Variants in TBC1D5 observed in about 807,000 individuals in gnomAD.
TBC1D5 encodes TBC1 domain family, member 5.
Under a neutral mutation model 100.3 loss-of-function variants are expected in TBC1D5, and 75 were observed. The observed-to-expected ratio is 0.75, with a 90% CI of 0.62 to 0.91. The LOEUF is 0.91. TBC1D5 is among the 40% of genes least tolerant of loss of function. The pLI, the probability that TBC1D5 is intolerant of heterozygous loss-of-function variation, is 0.00. For synonymous variants in TBC1D5, 323 were observed against 325.6 expected (o/e 0.99, Z 0.09); for missense variants, 910 against 942.4 (o/e 0.97, Z 0.45).
chr3:17,244,646 A>G (rs1183500606), intron 16 of TBC1D5, among the ~76,000 whole-genome samples: 1 of 152,202 alleles, frequency 6.6e-6, no homozygotes, highest in Non-Finnish European at 1.5e-5. Flanking sequence ...AATTGATGCC[A>G]CTAAACATAT....
intron 1 of TBC1D5, among the ~76,000 whole-genome samples, chr3:17,708,995 C>G (rs777133078): frequency 2.6e-5 from 4 of 152,218 alleles, no homozygotes; most frequent in Admixed American, 6.5e-5. Context: ...GGTAAATTAC[C>G]TACATTATAT....
chr3:17,663,951 T>TA (rs1169589241), intron 1 of TBC1D5, among the ~76,000 whole-genome samples: 2 of 152,350 alleles, frequency 1.3e-5, no homozygotes, highest in Admixed American at 1.3e-4. Context: ...ATTTTTCATA[T>TA]AAAAAACTTA....
At chr3:17,688,379 ACATTT>A (rs1214527351) in intron 1 of TBC1D5, among the ~76,000 whole-genome samples, 1 of 152,180 alleles carries the variant, frequency 6.6e-6, no homozygotes, top group African/African-American at 2.4e-5. Context: ...CTTTATCCAT[ACATTT>A]CATTAATTTC....
At chr3:17,220,424 T>C (rs971295281) in intron 17 of TBC1D5, among the ~76,000 whole-genome samples, 1 of 152,130 alleles carries the variant, frequency 6.6e-6, no homozygotes, top group Non-Finnish European at 1.5e-5. Flanking sequence ...TCTTTTAACA[T>C]ATTTTTACAG....
chr3:17,574,619 A>G (rs1261746745), intron 2 of TBC1D5, among the ~76,000 whole-genome samples: 1 of 152,068 alleles, frequency 6.6e-6, no homozygotes, highest in East Asian at 1.9e-4. Context: ...AGCATCTTAT[A>G]ATACATCTCC....
intron 15 of TBC1D5, among the ~76,000 whole-genome samples, chr3:17,272,252 T>C (rs1169939984): frequency 6.6e-6 from 1 of 152,208 alleles, no homozygotes; most frequent in African/African-American, 2.4e-5. Flanking sequence ...TATACAAGTA[T>C]ATAAAAAGCA....
chr3:17,533,366 G>T (rs1217860163), intron 2 of TBC1D5, among the ~76,000 whole-genome samples: 1 of 152,168 alleles, frequency 6.6e-6, no homozygotes, highest in Middle Eastern at 3.4e-3. Context: ...TTTGCTTGAG[G>T]AACTGCCAAC....
At chr3:17,681,805 T>C (rs1199857425) in intron 1 of TBC1D5, among the ~76,000 whole-genome samples, 4 of 151,510 alleles carry the variant, frequency 2.6e-5, no homozygotes, top group Admixed American at 1.3e-4. Context: ...CAGCAAGAAG[T>C]GAGTGGCAGA....
intron 1 of TBC1D5, among the ~76,000 whole-genome samples, chr3:17,714,938 G>A (rs2075091830): frequency 6.6e-6 from 1 of 152,170 alleles, no homozygotes; most frequent in Non-Finnish European, 1.5e-5. Flanking sequence ...ACCAATCTAT[G>A]CAAGACACAG....
At chr3:17,486,790 T>C (rs1251601770) in intron 3 of TBC1D5, among the ~76,000 whole-genome samples, 2 of 152,198 alleles carry the variant, frequency 1.3e-5, no homozygotes, top group Non-Finnish European at 2.9e-5. Context: ...ATATTCCTAG[T>C]GCCAGAGGGA....
chr3:17,383,969 G>C (rs1181565368), exon 9 of TBC1D5: 6 of 1,602,048 alleles, frequency 3.7e-6, no homozygotes, highest in Non-Finnish European at 5.1e-6. Context: ...ACATCTGTAA[G>C]AATTTTTCTC....
intron 2 of TBC1D5, among the ~76,000 whole-genome samples, chr3:17,536,562 T>C (rs2096283491): frequency 6.6e-6 from 1 of 152,220 alleles, no homozygotes. Context: ...AAAGGGTTTA[T>C]TCTGAGCCCT....
chr3:17,389,042 T>C lies in TBC1D5; in HGVS notation c.510-5027A>G, dbSNP rs193163238. 7.4e-4 allele frequency among the ~76,000 whole-genome samples: 113 copies of C among 152,274 alleles called. 1 individual carries two copies. The highest frequency in any genetic ancestry group is 2.4e-3 in the African/African-American group (101 of 41,580). On this transcript the variant is annotated intron_variant, in intron 8 of 21. Coordinates refer to ENST00000253692, the Ensembl canonical transcript of TBC1D5. ...GAAATATTTGTCAGTACATTGCAAT[T>C]TGTTGATATTATCTCTTAAGATTCC...
At chr3:17,684,674 G>C (rs1210917938) in intron 1 of TBC1D5, among the ~76,000 whole-genome samples, 1 of 151,940 alleles carries the variant, frequency 6.6e-6, no homozygotes, top group African/African-American at 2.4e-5. Flanking sequence ...CTAAGTCAAA[G>C]AAACTACAGC....
chr3:17,533,958 T>C (rs1368528977), intron 2 of TBC1D5, among the ~76,000 whole-genome samples: 1 of 151,794 alleles, frequency 6.6e-6, no homozygotes, highest in African/African-American at 2.4e-5. Context: ...GTGAAGTATG[T>C]GATTCTCTCT....
chr3:17,239,619 C>T (rs1195301885), intron 16 of TBC1D5, among the ~76,000 whole-genome samples: 1 of 152,126 alleles, frequency 6.6e-6, no homozygotes, highest in Non-Finnish European at 1.5e-5. Flanking sequence ...CATTGCAGTT[C>T]CAAAGGTCTA....
intron 16 of TBC1D5, among the ~76,000 whole-genome samples, chr3:17,250,692 A>G (rs1435650102): frequency 6.6e-6 from 1 of 152,238 alleles, no homozygotes; most frequent in Non-Finnish European, 1.5e-5. Flanking sequence ...TTCAAATAGC[A>G]TCTTTTCAGA....
chr3:17,340,765 G>C (rs919702279), intron 13 of TBC1D5: 2 of 152,178 alleles, frequency 1.3e-5, no homozygotes, highest in African/African-American at 4.8e-5. Context: ...TGATGGGGTG[G>C]GGAGGACTAG....
chr3:17,582,153 C>A (rs1193217110), intron 2 of TBC1D5, among the ~76,000 whole-genome samples: 1 of 152,188 alleles, frequency 6.6e-6, no homozygotes, highest in African/African-American at 2.4e-5. Flanking sequence ...TTATCAACCT[C>A]TCCACCCTGG....
Sources: gnomAD v4.1 joint callset for allele counts (sites outside exome capture counted in the v4.1 genomes callset) on GRCh38, gnomAD v4.1.1 for gene constraint, MANE v1.5 for transcripts, NCBI Gene and HGNC (gene_info 2026-07-23, HGNC 2026-07-21) for gene names.